The following HMCN1 variants were observed in gnomAD, a reference collection of about 807,000 sequenced individuals.
HMCN1 encodes the protein hemicentin-1.
A neutral mutation model predicts 625.9 loss-of-function variants in HMCN1; 321 were observed. That is an observed-to-expected ratio of 0.51 (90% CI 0.47 to 0.56). The LOEUF is 0.56. Among genes scored for constraint, HMCN1 ranks in the 20% least tolerant of loss-of-function variants. The probability of loss-of-function intolerance (pLI) is 0.00; values close to 1 mark genes in which losing one functional copy is unlikely to be tolerated. For missense variants in HMCN1, 6,588 were observed against 6,887.3 expected (o/e 0.96, Z 1.54); for synonymous variants, 2,425 against 2,417.6 (o/e 1.00, Z -0.09).
In HMCN1 at chr1:186,119,290, A is replaced by G. The variant is rs532914353; in HGVS notation, c.11948A>G (p.His3983Arg). Reference protein sequence around the residue: ...AGSAHRHVTLHVHEPPVIQPQ... With the variant: ...AGSAHRHVTLRVHEPPVIQPQ... ...TCTGCACATCGACACGTGACCCTTC[A>G]TGTTCATGGTATGGAAGGCTATTTA... The change falls in exon 78 of 107, where the codon CAT becomes CGT. Residue 3983 changes from histidine to arginine, a missense_variant. Around this residue, in one of 3 missense-constraint regions of HMCN1, gnomAD observed 4,628 missense variants for 4,853.1 expected, o/e 0.95. Transcript: ENST00000271588. 6.1e-5 allele frequency: 99 copies of G among 1,612,412 alleles called. No individual in the cohort carries two copies. The East Asian group carries it at 2.1e-3, about 33-fold the overall frequency.
intron 3 of HMCN1, 73 bp from the exon 4 acceptor site, chr1:185,865,668 A>T: frequency 7.8e-7 from 1 of 1,284,490 alleles, no homozygotes; most frequent in Non-Finnish European, 1.1e-6. Context: ...GTAACACAAT[A>T]GGTAGTCAAT....
At chr1:185,825,127 A>G (rs1041166383) in intron 1 of HMCN1, among the ~76,000 whole-genome samples, 9 of 152,164 alleles carry the variant, frequency 5.9e-5, no homozygotes, top group African/African-American at 1.9e-4. Flanking sequence ...TCTATGTGTT[A>G]GGAACTATGC....
At chr1:185,886,200 C>T (rs1480238636) in intron 4 of HMCN1, among the ~76,000 whole-genome samples, 2 of 148,722 alleles carry the variant, frequency 1.3e-5, no homozygotes, top group African/African-American at 2.5e-5. Flanking sequence ...CTTTTTACTG[C>T]GTGTTCTATT....
chr1:186,182,338 A>C (rs765647655), intron 105 of HMCN1, 51 bp downstream of exon 105: 2 of 1,607,610 alleles, frequency 1.2e-6, no homozygotes, highest in South Asian at 2.2e-5. Context: ...AAAAACCAAC[A>C]GAGAGTGTGA....
intron 4 of HMCN1, among the ~76,000 whole-genome samples, chr1:185,883,043 T>C (rs1664409682): frequency 6.6e-6 from 1 of 152,116 alleles, no homozygotes; most frequent in Non-Finnish European, 1.5e-5. Flanking sequence ...CTTTAAATGC[T>C]TGTAGTAATT....
chr1:185,793,801 A>T (rs765289086), intron 1 of HMCN1, among the ~76,000 whole-genome samples: 1 of 152,170 alleles, frequency 6.6e-6, no homozygotes, highest in South Asian at 2.1e-4. Context: ...GGAGATTCTG[A>T]TATACTTCCC....
intron 1 of HMCN1, among the ~76,000 whole-genome samples, chr1:185,801,629 A>G (rs926818261): frequency 6.6e-6 from 1 of 152,214 alleles, no homozygotes; most frequent in Non-Finnish European, 1.5e-5. Context: ...TGATTCAGGC[A>G]AGAATTTCCT....
At chr1:185,924,351 C>T (rs1667164047) in intron 8 of HMCN1, among the ~76,000 whole-genome samples, 1 of 151,258 alleles carries the variant, frequency 6.6e-6, no homozygotes, top group Non-Finnish European at 1.5e-5. Flanking sequence ...CTGCCTCAGC[C>T]TCCCGAGTAG....
chr1:185,796,128 A>G (rs57782754), intron 1 of HMCN1, among the ~76,000 whole-genome samples: 13,847 of 152,196 alleles, frequency 0.091, 2,031 homozygotes, highest in African/African-American at 0.31. Flanking sequence ...TTCCATGGAC[A>G]GTGAAAGGAT....
In HMCN1 at chr1:186,132,406, C is replaced by T. The variant is rs959472564; in HGVS notation, c.13309C>T (p.Gln4437Ter). 1.9e-6 allele frequency: 3 copies of T among 1,607,880 alleles called. No individual in the cohort carries two copies. Among genetic ancestry groups the T allele is most frequent in the Non-Finnish European group, 2.6e-6 (3 of 1,175,984 alleles). Residue 4437 changes from glutamine (Q) to a stop codon, truncating the protein, a stop_gained, in exon 86 of 107, where the codon CAA (glutamine) becomes TAA (stop). Transcript: ENST00000271588. LOFTEE classifies it high-confidence loss of function. ...VVERSMSLTL[Q>*]SPPIITLEPV... Reference sequence around the variant, plus strand: ...GGAGCGCAGCATGAGTCTGACTCTGCAAAGTAAGCTGCTTAATGAAACTAA... The same window carrying T: ...GGAGCGCAGCATGAGTCTGACTCTGTAAAGTAAGCTGCTTAATGAAACTAA...
At chr1:185,785,316 G>A (rs1391395378) in intron 1 of HMCN1, among the ~76,000 whole-genome samples, 1 of 152,150 alleles carries the variant, frequency 6.6e-6, no homozygotes, top group Admixed American at 6.5e-5. Flanking sequence ...TGTAGGAGTA[G>A]GATGTGTTTG....
At chr1:185,909,762 G>T (rs965269734) in intron 5 of HMCN1, among the ~76,000 whole-genome samples, 13 of 151,980 alleles carry the variant, frequency 8.6e-5, no homozygotes, top group African/African-American at 2.9e-4. Flanking sequence ...ATATTTAAAT[G>T]ATCCAAAATA....
In HMCN1 at chr1:186,095,501, A is replaced by G. The variant is rs1260285517; in HGVS notation, c.10553A>G (p.His3518Arg). Residue 3518 changes from histidine to arginine, a missense_variant, in exon 68 of 107, where the codon CAC (histidine) becomes CGC (arginine). Transcript: ENST00000271588. ...AATGAAGCTGGAGAAGTCAGCAAGC[A>G]CTTTATCCTCAAGGTCCTAGGTATG... ...ASNEAGEVSKHFILKVLEPPH... is the reference protein window; with the variant it reads ...ASNEAGEVSKRFILKVLEPPH... The G allele has an allele frequency of 2.3e-5, 37 of 1,613,628 alleles. No homozygotes were observed. Among genetic ancestry groups the G allele is most frequent in the Non-Finnish European group, 3.1e-5 (37 of 1,179,680 alleles).
chr1:185,856,473 G>A (rs1381153871), intron 2 of HMCN1, among the ~76,000 whole-genome samples: 1 of 147,974 alleles, frequency 6.8e-6, no homozygotes, highest in Non-Finnish European at 1.5e-5. Context: ...GGGCGACAGA[G>A]CTAGACCCTG....
intron 24 of HMCN1, among the ~76,000 whole-genome samples, chr1:185,995,981 A>G (rs1652758728): frequency 6.6e-6 from 1 of 152,140 alleles, no homozygotes; most frequent in Non-Finnish European, 1.5e-5. Context: ...GTACAGTACT[A>G]AGGTACCTGG....
intron 86 of HMCN1, among the ~76,000 whole-genome samples, chr1:186,135,096 T>C (rs1649515702): frequency 6.6e-6 from 1 of 152,184 alleles, no homozygotes; most frequent in African/African-American, 2.4e-5. Flanking sequence ...AAAATCCAGT[T>C]CAACTCTCTT....
In HMCN1 at chr1:185,911,785, G is replaced by A. The variant is rs373497181; in HGVS notation, c.900+5G>A. On this transcript the variant is annotated splice_donor_5th_base_variant and intron_variant, in intron 6 of 106. Transcript: ENST00000271588. ...GCTGGAATGTGGACAGTGAAGGTAC[G>A]GTTGTTTCACAAAGTTTGTTTATTG... 5.5e-5 allele frequency: 88 copies of A among 1,594,416 alleles called. No individual in the cohort carries two copies. In the African/African-American group the frequency reaches 7.4e-4, roughly 13 times the overall value.
intron 30 of HMCN1, among the ~76,000 whole-genome samples, chr1:186,010,413 A>C (rs1243722379): frequency 6.6e-6 from 1 of 152,210 alleles, no homozygotes; most frequent in Non-Finnish European, 1.5e-5. Context: ...ATGTTATTAC[A>C]CCATCAATTG....
intron 13 of HMCN1, among the ~76,000 whole-genome samples, chr1:185,964,336 A>G (rs1650245191): frequency 6.6e-6 from 1 of 152,164 alleles, no homozygotes. Context: ...AGCGTACTTC[A>G]TGAAAATTAT....
Sources: gnomAD v4.1 joint callset for allele counts (sites outside exome capture counted in the v4.1 genomes callset) on GRCh38, gnomAD v4.1.1 for gene constraint, gnomAD v4.1.1 regional missense constraint, MANE v1.5 for transcripts, NCBI Gene and HGNC (gene_info 2026-07-23, HGNC 2026-07-21) for gene names.